The following ST8SIA6 variants were observed in gnomAD, a reference collection of about 807,000 sequenced individuals.
ST8SIA6 encodes ST8 alpha-N-acetyl-neuraminide alpha-2,8-sialyltransferase 6.
A neutral mutation model predicts 33.6 loss-of-function variants in ST8SIA6; 39 were observed. The ratio of observed to expected loss-of-function variants is 1.16; its 90% CI spans 0.90 to 1.52. ST8SIA6 has a LOEUF of 1.52. Ranked by LOEUF, ST8SIA6 falls within the 40% of genes most tolerant of loss-of-function variation. The pLI, the probability that ST8SIA6 is intolerant of heterozygous loss-of-function variation, is 0.00. For missense variants in ST8SIA6, 441 were observed against 443.8 expected, an observed-to-expected ratio of 0.99 and a Z score of 0.06; for synonymous variants, 172 against 167.2, an observed-to-expected ratio of 1.03 and a Z score of -0.22.
intron 2 of ST8SIA6, among the ~76,000 whole-genome samples, chr10:17,423,130 C>G (rs1851830239): frequency 6.6e-6 from 1 of 152,218 alleles, no homozygotes; most frequent in Admixed American, 6.5e-5. Flanking sequence ...ATAAATTATG[C>G]AGCCAAATTA....
chr10:17,407,161 C>G (rs1326289170), intron 2 of ST8SIA6, among the ~76,000 whole-genome samples: 1 of 152,200 alleles, frequency 6.6e-6, no homozygotes, highest in Non-Finnish European at 1.5e-5. Flanking sequence ...TTTAAACCCA[C>G]ATAGCTTAAA....
At chr10:17,325,119 T>C (rs912375050) in intron 6 of ST8SIA6, among the ~76,000 whole-genome samples, 92 of 141,368 alleles carry the variant, frequency 6.5e-4, no homozygotes, top group Non-Finnish European at 1.8e-4. Context: ...AATATATGTA[T>C]ATATGCTATT....
chr10:17,398,059 G>GCT (rs1417162968), intron 2 of ST8SIA6, among the ~76,000 whole-genome samples: 7 of 152,338 alleles, frequency 4.6e-5, no homozygotes, highest in African/African-American at 1.7e-4. Context: ...GGGCACAGTG[G>GCT]CTCATGCCTG....
chr10:17,435,711 TTGGGGGGG>T (rs1564463513), intron 2 of ST8SIA6, among the ~76,000 whole-genome samples: 1 of 35,466 alleles, frequency 2.8e-5, no homozygotes, highest in African/African-American at 1.2e-4. Flanking sequence ...AAATGGGGGG[TTGGGGGGG>T]TGGGGGGCAG....
intron 3 of ST8SIA6, among the ~76,000 whole-genome samples, chr10:17,371,988 A>G (rs886103416): frequency 5.3e-5 from 8 of 152,108 alleles, no homozygotes; most frequent in African/African-American, 1.9e-4. Flanking sequence ...CTCACCAGTG[A>G]GTCTAATGCA....
chr10:17,350,219 T>C (rs1052191523), intron 4 of ST8SIA6, among the ~76,000 whole-genome samples: 2 of 152,150 alleles, frequency 1.3e-5, no homozygotes, highest in Non-Finnish European at 2.9e-5. Context: ...ATGGAATAAG[T>C]AGAAGGTACT....
At chr10:17,428,482 CAAAT>C (rs1852002834) in intron 2 of ST8SIA6, among the ~76,000 whole-genome samples, 1 of 152,044 alleles carries the variant, frequency 6.6e-6, no homozygotes, top group Non-Finnish European at 1.5e-5. Flanking sequence ...TAGAAGTGGG[CAAAT>C]AAAGTCAGTC....
chr10:17,343,235 C>T (rs181102069), intron 4 of ST8SIA6, among the ~76,000 whole-genome samples: 45 of 152,154 alleles, frequency 3.0e-4, no homozygotes, highest in African/African-American at 1.0e-3. Flanking sequence ...AGGTGAACAA[C>T]GGTTGTTAAC....
chr10:17,382,937 T>G (rs1451416943), intron 3 of ST8SIA6, among the ~76,000 whole-genome samples: 1 of 152,228 alleles, frequency 6.6e-6, no homozygotes, highest in Non-Finnish European at 1.5e-5. Flanking sequence ...TCTAGAAGCA[T>G]TAACCAACTC....
At chr10:17,372,100 T>A (rs1039243706) in intron 3 of ST8SIA6, among the ~76,000 whole-genome samples, 1 of 152,160 alleles carries the variant, frequency 6.6e-6, no homozygotes, top group African/African-American at 2.4e-5. Flanking sequence ...CGACTAGAAC[T>A]TAAAAATGTC....
At chr10:17,359,418 T>C in intron 4 of ST8SIA6, 96 bp downstream of exon 4, 8 of 968,968 alleles carry the variant, frequency 8.3e-6, no homozygotes, top group South Asian at 3.4e-5. Flanking sequence ...CTGGGGTTGG[T>C]TCTACTTCTC....
At chr10:17,359,304 G>A (rs1463398067) in intron 4 of ST8SIA6, among the ~76,000 whole-genome samples, 5 of 152,092 alleles carry the variant, frequency 3.3e-5, no homozygotes, top group Admixed American at 6.6e-5. Context: ...GGGAACTTTT[G>A]TAATTCAAAC....
chr10:17,328,437 CTT>C (rs1352822078), intron 5 of ST8SIA6, among the ~76,000 whole-genome samples: 1 of 152,158 alleles, frequency 6.6e-6, no homozygotes, highest in Non-Finnish European at 1.5e-5. Context: ...TGAAATCTAA[CTT>C]TTCAATTCAA....
chr10:17,377,200 G>A (rs2131639218), intron 3 of ST8SIA6, among the ~76,000 whole-genome samples: 1 of 152,142 alleles, frequency 6.6e-6, no homozygotes, highest in South Asian at 2.1e-4. Flanking sequence ...AGCACCTTAT[G>A]ACCTGCCCCT....
chr10:17,341,694 T>C (rs1163487428), intron 4 of ST8SIA6, among the ~76,000 whole-genome samples: 2 of 149,774 alleles, frequency 1.3e-5, no homozygotes, highest in Non-Finnish European at 1.5e-5. Context: ...AGGTCAGGAG[T>C]TCGAGACCAG....
At chr10:17,325,652 C>T (rs1248766172) in intron 6 of ST8SIA6, among the ~76,000 whole-genome samples, 1 of 151,966 alleles carries the variant, frequency 6.6e-6, no homozygotes, top group Non-Finnish European at 1.5e-5. Flanking sequence ...CAACCTGAAG[C>T]ACCAAAATAA....
rs1853050725 is a variant in ST8SIA6 at position 17,454,502 on chromosome 10, C to T, written c.-247G>A. Among the ~76,000 whole-genome samples, 1 of 151,864 alleles carries T rather than the reference C, an allele frequency of 6.6e-6. No individual in the cohort carries two copies. The highest frequency in any genetic ancestry group is 1.5e-5 in the Non-Finnish European group (1 of 67,858). On this transcript the variant is annotated 5_prime_UTR_variant, in exon 1 of 8. Coordinates refer to ENST00000377602, the MANE Select transcript of ST8SIA6 (RefSeq NM_001004470.3). This position sits in a 1 kb window ranked among gnomAD's most constrained non-coding sequence, Gnocchi z 4.1. ...GCCCCGGCCCGCGGAGCGCCGCGAT[C>T]GGCTGGCAGATGACGATTCGCCGAG... is the stretch of plus-strand genomic sequence containing the variant.
chr10:17,375,694 G>C (rs1849891438), intron 3 of ST8SIA6, among the ~76,000 whole-genome samples: 1 of 152,192 alleles, frequency 6.6e-6, no homozygotes, highest in African/African-American at 2.4e-5. Flanking sequence ...TTTTACCCCA[G>C]AAAGCTATCT....
At chr10:17,340,237 A>G (rs1848629127) in intron 4 of ST8SIA6, among the ~76,000 whole-genome samples, 1 of 152,006 alleles carries the variant, frequency 6.6e-6, no homozygotes, top group Non-Finnish European at 1.5e-5. Flanking sequence ...ACCAGTTCTC[A>G]TCAGTAGTTC....
Sources: allele counts gnomAD v4.1 joint callset (sites outside exome capture counted in the v4.1 genomes callset), GRCh38; gene constraint gnomAD v4.1.1; non-coding constraint Gnocchi (gnomAD v3.1); transcripts MANE v1.5; gene names NCBI Gene and HGNC (gene_info 2026-07-23, HGNC 2026-07-21).